MYOF: variants seen among roughly 807,000 people sequenced by gnomAD.
MYOF encodes myoferlin.
A neutral mutation model predicts 284.2 loss-of-function variants in MYOF; 244 were observed. The observed-to-expected ratio is 0.86, with a 90% CI of 0.77 to 0.95. MYOF has a LOEUF of 0.95. Ranked by LOEUF, MYOF falls within the 40% of genes least tolerant of loss-of-function variation. The probability of loss-of-function intolerance (pLI) is 0.00; values close to 1 mark genes in which losing one functional copy is unlikely to be tolerated. For missense variants in MYOF, 2,496 were observed against 2,560.6 expected (o/e 0.97, Z 0.54); for synonymous variants, 904 against 919.7 (o/e 0.98, Z 0.31).
At chr10:93,405,637 T>C (rs191785167) in intron 7 of MYOF, among the ~76,000 whole-genome samples, 1 of 152,318 alleles carries the variant, frequency 6.6e-6, no homozygotes, top group Non-Finnish European at 1.5e-5. Flanking sequence ...GAATGTTTCC[T>C]CACTGTCGGA....
intron 50 of MYOF, among the ~76,000 whole-genome samples, chr10:93,315,879 G>A (rs1405735067): frequency 6.6e-6 from 1 of 151,900 alleles, no homozygotes; most frequent in Non-Finnish European, 1.5e-5. Context: ...CTGGCACTTT[G>A]AGAGGCTGAG....
intron 49 of MYOF, among the ~76,000 whole-genome samples, chr10:93,317,859 T>G (rs1325723008): frequency 6.6e-6 from 1 of 152,192 alleles, no homozygotes; most frequent in African/African-American, 2.4e-5. Flanking sequence ...CAGTGTTTCA[T>G]GAATTTGAAG....
chr10:93,456,283 C>T (rs1691647676), intron 2 of MYOF, among the ~76,000 whole-genome samples: 1 of 152,104 alleles, frequency 6.6e-6, no homozygotes, highest in African/African-American at 2.4e-5. Context: ...AAATATATTC[C>T]TCCAATAAAC....
intron 5 of MYOF, among the ~76,000 whole-genome samples, chr10:93,422,153 A>G (rs1388736218): frequency 6.6e-6 from 1 of 152,246 alleles, no homozygotes; most frequent in African/African-American, 2.4e-5. Flanking sequence ...TCACTCTGTC[A>G]TCTTGCATTT....
At chr10:93,421,696 G>A (rs1848363791) in intron 5 of MYOF, among the ~76,000 whole-genome samples, 1 of 151,826 alleles carries the variant, frequency 6.6e-6, no homozygotes, top group African/African-American at 2.4e-5. Flanking sequence ...ATGTGATGCT[G>A]GCTCCCCTTC....
rs893606595 is a variant in MYOF, at chr10:93,374,889, C to T, written c.2175G>A (p.Leu725=). 4 of 1,614,182 alleles carry T rather than the reference C, an allele frequency of 2.5e-6. No homozygotes were observed. In the South Asian group the frequency reaches 4.4e-5, roughly 18 times the overall value. Residue 725 remains leucine, a synonymous_variant, in exon 23 of 54, where the codon CTG becomes CTA. Transcript: ENST00000359263. ...GTATTTGGGAGAGAGACCTGGACCG[C>T]AGCTTTCGGATCTGAGTATCGAGAA... ...VTVLDTQIRK[L]RSRSLSQIHE... is the part of the protein sequence containing the mutation.
At chr10:93,399,934 G>A (rs1216984971) in intron 12 of MYOF, among the ~76,000 whole-genome samples, 1 of 152,212 alleles carries the variant, frequency 6.6e-6, no homozygotes. Flanking sequence ...CCACTTGGGA[G>A]GCTGAGGCAT....
chr10:93,349,008 C>T (rs1047549241), intron 36 of MYOF, among the ~76,000 whole-genome samples: 1 of 151,922 alleles, frequency 6.6e-6, no homozygotes, highest in African/African-American at 2.4e-5. Flanking sequence ...AGCACGTGAC[C>T]CTAGAGTTCA....
At chr10:93,316,652 C>T (rs1433643992) in intron 50 of MYOF, 62 bp downstream of exon 50, 2 of 1,424,410 alleles carry the variant, frequency 1.4e-6, no homozygotes, top group Non-Finnish European at 2.0e-6. Context: ...TCCAAGTTTT[C>T]ATTGACCCCA....
intron 3 of MYOF, among the ~76,000 whole-genome samples, chr10:93,451,212 C>T (rs1241542512): frequency 1.3e-5 from 2 of 151,996 alleles, no homozygotes; most frequent in Non-Finnish European, 2.9e-5. Context: ...TGGTGGTGCA[C>T]GCCTGTAATT....
At chr10:93,339,008 T>C (rs1473230522) in intron 39 of MYOF, among the ~76,000 whole-genome samples, 1 of 143,054 alleles carries the variant, frequency 7.0e-6, no homozygotes, top group Admixed American at 7.4e-5. Flanking sequence ...CAAGAAAGGC[T>C]ACCACTTTTT....
At chr10:93,446,318 A>G (rs1389838078) in intron 3 of MYOF, among the ~76,000 whole-genome samples, 1 of 152,220 alleles carries the variant, frequency 6.6e-6, no homozygotes, top group African/African-American at 2.4e-5. Context: ...TGAAGTTCTC[A>G]TCTTGTTCAC....
rs66923086 is a variant in MYOF at position 93,369,110 on chromosome 10, C to CTTTTTTTTTTTTTTTT, written c.2589+519_2589+534dup. On this transcript the variant is annotated intron_variant, in intron 25 of 53. Transcript: ENST00000359263. ...TATTGTTTTAGAAGTATTCAGACAG[C>CTTTTTTTTTTTTTTTT]TTTTTTTTTTTTTTTTTTTTTTGCC... Among the ~76,000 whole-genome samples, 67 of 78,312 alleles carry CTTTTTTTTTTTTTTTT rather than the reference C, an allele frequency of 8.6e-4. 13 individuals are homozygous for CTTTTTTTTTTTTTTTT. Among genetic ancestry groups the CTTTTTTTTTTTTTTTT allele is most frequent in the African/African-American group, 4.2e-3 (65 of 15,448 alleles). The allele number at this position is 78,312 out of a possible 152,430, so 51.4% of individuals were successfully genotyped here.
intron 17 of MYOF, among the ~76,000 whole-genome samples, chr10:93,391,563 C>G (rs961094695): frequency 2.6e-5 from 4 of 151,902 alleles, no homozygotes; most frequent in African/African-American, 9.7e-5. Flanking sequence ...CCATTGCACT[C>G]CAGCCTGGTT....
chr10:93,366,539 A>G lies in MYOF; in HGVS notation c.2606T>C (p.Leu869Pro). The change falls in exon 26 of 54, where the codon CTC becomes CCC. Residue 869 changes from leucine (L) to proline (P), a missense_variant. Around this residue, in one of 3 missense-constraint regions of MYOF, gnomAD observed 2,436 missense variants for 2,480.7 expected, o/e 0.98. Transcript: ENST00000359263. ...AGAAGTACCCCATTTTCCAAACATG[A>G]GAGCTTGATTTTCATACTATTAAAA... ...VFAEMYENQA[L>P]MFGKWGTSGL... 1 of 1,605,546 alleles carries G rather than the reference A, an allele frequency of 6.2e-7. No individual in the cohort carries two copies. Among genetic ancestry groups the G allele is most frequent in the East Asian group, 2.2e-5 (1 of 44,816 alleles).
chr10:93,343,643 G>A (rs1161197462), intron 38 of MYOF, among the ~76,000 whole-genome samples: 1 of 152,206 alleles, frequency 6.6e-6, no homozygotes, highest in African/African-American at 2.4e-5. Context: ...TGACTTATTA[G>A]TGAGGGTTGA....
At chr10:93,392,274 C>T (rs1846732179) in intron 17 of MYOF, among the ~76,000 whole-genome samples, 1 of 152,086 alleles carries the variant, frequency 6.6e-6, no homozygotes, top group Non-Finnish European at 1.5e-5. Context: ...TACCACAACC[C>T]TGGGAGATTA....
intron 46 of MYOF, 187 bp from the exon 47 acceptor site, chr10:93,323,545 G>A (rs959248308): frequency 1.2e-5 from 7 of 583,880 alleles, no homozygotes; most frequent in Non-Finnish European, 2.1e-5. Context: ...ATGTCATTTA[G>A]GCCACCCACT....
Position 93,431,409 on chromosome 10 carries a change from C to G in MYOF, c.344G>C (p.Gly115Ala). The G allele has an allele frequency of 6.2e-7, 1 of 1,613,194 alleles. No individual in the cohort carries two copies. Among genetic ancestry groups the G allele is most frequent in the African/African-American group, 1.3e-5 (1 of 75,008 alleles). ...SLLNEKGQDT[G>A]ATIDLVIGYD... ...TTCAATAAGAGAGAAAACACTCACC[C>G]CAGTATCTTGCCCTTTTTCATTTAG... The change falls in exon 4 of 54, where the codon GGG becomes GCG. Residue 115 changes from glycine to alanine, a missense_variant and splice_region_variant. Gly to Ala is a moderately conservative substitution (Grantham distance 60, BLOSUM62 0). Transcript: ENST00000359263.
Sources: allele counts gnomAD v4.1 joint callset (sites outside exome capture counted in the v4.1 genomes callset), GRCh38; gene constraint gnomAD v4.1.1; regional missense constraint gnomAD v4.1.1; transcripts MANE v1.5; gene names NCBI Gene and HGNC (gene_info 2026-07-23, HGNC 2026-07-21).